Variants in MS4A4A observed in about 807,000 individuals in gnomAD.
The protein encoded by MS4A4A is membrane-spanning 4-domains subfamily A member 4A.
MS4A4A carries 26 observed loss-of-function variants against 28.0 expected under a neutral mutation model. The observed-to-expected ratio is 0.93, with a 90% CI of 0.68 to 1.29. The LOEUF is 1.29. Among genes scored for constraint, MS4A4A ranks in the 50% most tolerant of loss-of-function variants. MS4A4A has a pLI of 0.00. For missense variants in MS4A4A, 290 were observed against 293.1 expected (o/e 0.99, Z 0.08); for synonymous variants, 86 against 100.8 (o/e 0.85, Z 0.88).
chr11:60,299,448 C>CTTTTTTTTTTTTTTTTTTTTTTTTT (rs5792179), intron 3 of MS4A4A, among the ~76,000 whole-genome samples: 3 of 113,222 alleles, frequency 2.6e-5, no homozygotes, highest in Non-Finnish European at 5.2e-5. Flanking sequence ...AATTACAATT[C>CTTTTTTTTTTTTTTTTTTTTTTTTT]TTTTTTTTTT....
Position 60,308,282 on chromosome 11 carries a change from A to G in MS4A4A, c.*104A>G, listed in dbSNP as rs1196899931. The G allele has an allele frequency of 2.2e-6, 2 of 918,180 alleles. No homozygotes were observed. Among genetic ancestry groups the G allele is most frequent in the Non-Finnish European group, 3.5e-6 (2 of 576,234 alleles). The allele number at this position is 918,180 out of a possible 1,614,324, so 56.9% of individuals were successfully genotyped here. ...CAGTATCCAACTTCGATACTGATAG[A>G]CTTGTTGATATTATTATTATATGTA... On this transcript the variant is annotated 3_prime_UTR_variant, in exon 7 of 7. Transcript: ENST00000337908.
At chr11:60,293,150 C>G (rs1242871886) in intron 2 of MS4A4A, among the ~76,000 whole-genome samples, 1 of 152,084 alleles carries the variant, frequency 6.6e-6, no homozygotes, top group African/African-American at 2.4e-5. Context: ...CTCCGTCTTC[C>G]GGGTTCAAGA....
At chr11:60,299,869 AT>A (rs886836608) in intron 3 of MS4A4A, among the ~76,000 whole-genome samples, 3 of 152,052 alleles carry the variant, frequency 2.0e-5, no homozygotes, top group East Asian at 2.0e-4. Flanking sequence ...TAAGCATGTA[AT>A]TTTTTTCTTA....
intron 1 of MS4A4A, among the ~76,000 whole-genome samples, chr11:60,287,270 G>C (rs1025574907): frequency 2.0e-5 from 3 of 152,186 alleles, no homozygotes; most frequent in Non-Finnish European, 4.4e-5. Context: ...AGGCTGGGAA[G>C]TCTAAAGGCA....
intron 1 of MS4A4A, chr11:60,282,766 A>G (rs1260625063): frequency 1.6e-6 from 2 of 1,229,732 alleles, no homozygotes; most frequent in Non-Finnish European, 2.1e-6. Context: ...TTTGTGCTGA[A>G]GTAGCCGAGC....
rs554828384 is a variant in MS4A4A at position 60,282,873 on chromosome 11, T to G, written c.41+2157T>G. 9 of 621,698 alleles carry G rather than the reference T, an allele frequency of 1.4e-5. No homozygotes were observed. In the African/African-American group the frequency reaches 1.6e-4, roughly 11 times the overall value. 38.5% of individuals were successfully genotyped at this position (621,698 alleles called of 1,614,324 possible). A position where few individuals can be genotyped will look rare whatever the true frequency, so the allele number is the denominator to read the frequency against. ...GGATGGTGACTCAATTGTTTTTGTA[T>G]TTGATCATTCTGGCTACAACATCAG... On this transcript the variant is annotated intron_variant, in intron 1 of 6. Coordinates refer to ENST00000337908, the MANE Select transcript of MS4A4A (RefSeq NM_148975.3).
chr11:60,286,370 T>C (rs766245542), intron 1 of MS4A4A, among the ~76,000 whole-genome samples: 12 of 152,334 alleles, frequency 7.9e-5, no homozygotes, highest in Middle Eastern at 3.4e-3. Context: ...TAGGAAATTA[T>C]AAAAGTATTG....
intron 1 of MS4A4A, among the ~76,000 whole-genome samples, chr11:60,285,616 C>CG (rs1565142635): frequency 6.6e-6 from 1 of 152,064 alleles, no homozygotes; most frequent in Non-Finnish European, 1.5e-5. Flanking sequence ...GCTAGGCCTC[C>CG]GGGGGTGACA....
In MS4A4A at chr11:60,299,565, C is replaced by T. The variant is rs565852008; in HGVS notation, c.331-1436C>T. ...TCGGCTCACTGCAACCTCCGCCTCC[C>T]GGGTTCTCACCATTCTCCTGCCTCA... On this transcript the variant is annotated intron_variant, in intron 3 of 6. Coordinates refer to ENST00000337908, the MANE Select transcript of MS4A4A (RefSeq NM_148975.3). 1.2e-4 allele frequency among the ~76,000 whole-genome samples: 18 copies of T among 151,816 alleles called. No homozygotes were observed. In the South Asian group the frequency reaches 2.5e-3, roughly 21 times the overall value.
At chr11:60,298,649 A>G (rs1314781358) in intron 3 of MS4A4A, among the ~76,000 whole-genome samples, 1 of 152,208 alleles carries the variant, frequency 6.6e-6, no homozygotes, top group Non-Finnish European at 1.5e-5. Context: ...TCAGAATTGC[A>G]TACATCTAAC....
intron 3 of MS4A4A, among the ~76,000 whole-genome samples, chr11:60,297,643 G>A (rs1230053358): frequency 6.6e-6 from 1 of 152,166 alleles, no homozygotes; most frequent in Non-Finnish European, 1.5e-5. Flanking sequence ...TCATTTCTAG[G>A]ATGGCTTCAT....
At chr11:60,303,350 T>G (rs2084969663) in intron 5 of MS4A4A, among the ~76,000 whole-genome samples, 1 of 152,178 alleles carries the variant, frequency 6.6e-6, no homozygotes, top group South Asian at 2.1e-4. Context: ...ATTGGGTAAT[T>G]GTGGGGAGGA....
At chr11:60,286,194 C>A (rs901990685) in intron 1 of MS4A4A, among the ~76,000 whole-genome samples, 3 of 152,206 alleles carry the variant, frequency 2.0e-5, no homozygotes, top group African/African-American at 7.2e-5. Context: ...GTTTCCTGAA[C>A]ATCGCTGTTA....
chr11:60,306,337 C>T (rs1485542699), intron 6 of MS4A4A, 136 bp downstream of exon 6: 1 of 736,530 alleles, frequency 1.4e-6, no homozygotes, highest in South Asian at 1.8e-5. Flanking sequence ...CTGAGCCCAG[C>T]TGAAGTATGT....
At chr11:60,305,876 A>T in intron 5 of MS4A4A, 1 of 527,162 alleles carries the variant, frequency 1.9e-6, no homozygotes, top group South Asian at 2.8e-5. Flanking sequence ...TAGCACTGGG[A>T]GGTGCTGAAC....
intron 6 of MS4A4A, among the ~76,000 whole-genome samples, chr11:60,307,045 T>C (rs1363606439): frequency 6.6e-6 from 1 of 152,104 alleles, no homozygotes; most frequent in Non-Finnish European, 1.5e-5. Context: ...CTAGGAAGAA[T>C]GGGGAGGGAT....
intron 5 of MS4A4A, among the ~76,000 whole-genome samples, chr11:60,302,959 T>C (rs574318598): frequency 2.6e-5 from 4 of 152,346 alleles, no homozygotes; most frequent in Non-Finnish European, 5.9e-5. Flanking sequence ...ACCTACTCAT[T>C]AATAGTTACT....
rs780636164 is a variant in MS4A4A at position 60,297,152 on chromosome 11, T to C, written c.202-45T>C. On this transcript the variant is annotated intron_variant, in intron 2 of 6. Transcript: ENST00000337908. ...TGGAAAGGGGGTGGCGGAAGCACCA[T>C]TTTTGTGGTGGACAATCAGTTTTTG... 1.2e-5 allele frequency: 19 copies of C among 1,607,870 alleles called. No homozygotes were observed. In the East Asian group the frequency reaches 3.6e-4, roughly 30 times the overall value.
intron 2 of MS4A4A, 127 bp from the exon 3 acceptor site, chr11:60,297,070 A>T: frequency 9.1e-7 from 1 of 1,103,310 alleles, no homozygotes; most frequent in Non-Finnish European, 1.3e-6. Flanking sequence ...GTGATAAGAG[A>T]ATACTAAGAA....
Sources: allele counts gnomAD v4.1 joint callset (sites outside exome capture counted in the v4.1 genomes callset), GRCh38; gene constraint gnomAD v4.1.1; transcripts MANE v1.5; gene names NCBI Gene and HGNC (gene_info 2026-07-23, HGNC 2026-07-21).